OR10J1: variants seen among roughly 807,000 people sequenced by gnomAD.
The protein encoded by OR10J1 is olfactory receptor 10J1.
For missense variants in OR10J1, 474 were observed against 376.6 expected (o/e 1.26, Z -2.14); for synonymous variants, 202 against 143.8 (o/e 1.40, Z -2.89).
At chr1:159,436,070 T>A (rs1655729387), upstream of OR10J1, among the ~76,000 whole-genome samples, 1 of 152,166 alleles carries the variant, frequency 6.6e-6, no homozygotes, top group African/African-American at 2.4e-5. Flanking sequence ...GTGGTATACC[T>A]GTCCTTTTTG....
chr1:159,433,981 T>C (rs1655663918), upstream of OR10J1, among the ~76,000 whole-genome samples: 1 of 152,208 alleles, frequency 6.6e-6, no homozygotes, highest in Non-Finnish European at 1.5e-5. Flanking sequence ...ATTTTCCTTC[T>C]ATTATTTTAA....
At chr1:159,411,480 G>C in the OR10J1 span, among the ~76,000 whole-genome samples, 3 of 152,074 alleles carry the variant, frequency 2.0e-5, no homozygotes, top group African/African-American at 7.2e-5. Flanking sequence ...TTTGATCTTT[G>C]TTGGTTTAAA....
At chr1:159,425,873 C>T in the OR10J1 span, among the ~76,000 whole-genome samples, 1 of 151,822 alleles carries the variant, frequency 6.6e-6, no homozygotes, top group Non-Finnish European at 1.5e-5. Context: ...AGATGCATAA[C>T]ATAAGAAACA....
chr1:159,432,756 A>G, the OR10J1 span: 1 of 401,012 alleles, frequency 2.5e-6, no homozygotes, highest in Non-Finnish European at 4.4e-6. Context: ...TATCCGGCCC[A>G]TAATGAAGCT....
chr1:159,439,974 C>G lies in OR10J1; in HGVS notation c.183C>G (p.Phe61Leu). Residue 61 changes from phenylalanine to leucine, a missense_variant, in exon 1 of 1, where the codon TTC (phenylalanine) becomes TTG (leucine). Phe to Leu is a conservative substitution (Grantham distance 22). Transcript: ENST00000423932. ...TTCATCTTCACACACCCATGTACTTCTTCCTGAGCATGCTGTCCACTTCAG... is the reference window on the plus strand; with the variant it reads ...TTCATCTTCACACACCCATGTACTTGTTCCTGAGCATGCTGTCCACTTCAG... ...MDLHLHTPMY[F>L]FLSMLSTSET... 1 of 1,614,164 alleles carries G rather than the reference C, an allele frequency of 6.2e-7. No homozygotes were observed. The highest frequency in any genetic ancestry group is 1.1e-5 in the South Asian group (1 of 91,090).
the OR10J1 span, among the ~76,000 whole-genome samples, chr1:159,431,704 T>G: frequency 1.4e-4 from 22 of 152,104 alleles, no homozygotes; most frequent in Admixed American, 1.3e-3. Context: ...TATACAACCG[T>G]TTGGTTTTTC....
chr1:159,413,145 C>T, the OR10J1 span, among the ~76,000 whole-genome samples: 7 of 152,114 alleles, frequency 4.6e-5, no homozygotes, highest in Admixed American at 2.0e-4. Flanking sequence ...TGAGATACCA[C>T]CTCACACTTG....
At chr1:159,436,662 G>A (rs1310885067), upstream of OR10J1, among the ~76,000 whole-genome samples, 2 of 147,242 alleles carry the variant, frequency 1.4e-5, no homozygotes, top group Non-Finnish European at 3.0e-5. Context: ...AAAATGGTTA[G>A]CGGTTTTAAA....
the OR10J1 span, among the ~76,000 whole-genome samples, chr1:159,411,798 G>A: frequency 1.3e-5 from 2 of 151,996 alleles, no homozygotes; most frequent in Non-Finnish European, 2.9e-5. Flanking sequence ...TAGCCTCGAT[G>A]GTCTTTACAT....
chr1:159,410,381 T>TA, the OR10J1 span, among the ~76,000 whole-genome samples: 1 of 152,316 alleles, frequency 6.6e-6, no homozygotes, highest in South Asian at 2.1e-4. Context: ...TCAGAGCCTG[T>TA]AATTGGTCTA....
chr1:159,440,711 A>G lies in OR10J1; in HGVS notation c.920A>G (p.Lys307Arg), dbSNP rs750078681. The change falls in exon 1 of 1, where the codon AAG (lysine) becomes AGG (arginine). Residue 307 changes from lysine to arginine, a missense_variant. Lys to Arg is a conservative substitution (Grantham distance 26). Transcript: ENST00000423932. ...GCTCTGTGCAGGGCTGTTGGTGGGAAGTTTTCCTGACCATGTAGGAAGAGT... is the reference window on the plus strand; with the variant it reads ...GCTCTGTGCAGGGCTGTTGGTGGGAGGTTTTCCTGACCATGTAGGAAGAGT... Reference protein sequence around the residue: ...KDALCRAVGGKFS With the variant: ...KDALCRAVGGRFS 6.2e-7 allele frequency: 1 copy of G among 1,609,362 alleles called. No homozygotes were observed. The highest frequency in any genetic ancestry group is 2.2e-5 in the East Asian group (1 of 44,776).
rs1292185817 is a variant in OR10J1, at chr1:159,440,425, C to A, written c.634C>A (p.Leu212Met). 4 of 1,614,110 alleles carry A rather than the reference C, an allele frequency of 2.5e-6. No individual in the cohort carries two copies. The highest frequency in any genetic ancestry group is 3.4e-6 in the Non-Finnish European group (4 of 1,180,016). The change falls in exon 1 of 1, where the codon CTG becomes ATG. Residue 212 changes from leucine (L) to methionine (M), a missense_variant. Physicochemically the swap from Leu to Met is conservative, Grantham distance 15 (BLOSUM62 2). Coordinates refer to ENST00000423932, the MANE Select transcript of OR10J1 (RefSeq NM_012351.3). ...SVLVLVVPMG[L>M]VFISYVLIIS... ...GCTGGTGCTTGTTGTACCTATGGGT[C>A]TGGTTTTCATTTCTTATGTTCTCAT... is the stretch of plus-strand genomic sequence containing the variant.
rs116754841 is a variant in OR10J1, at chr1:159,440,008, T to C, written c.217T>C (p.Tyr73His). 305 of 1,614,194 alleles carry C rather than the reference T, an allele frequency of 1.9e-4. 1 individual carries two copies. The highest frequency in any genetic ancestry group is 1.3e-3 in the South Asian group (121 of 91,088). ...CATGCTGTCCACTTCAGAGACTGTA[T>C]ATACATTGGTCATTCTCCCAAGAAT... ...LSMLSTSETV[Y>H]TLVILPRMLS... is the part of the protein sequence containing the mutation. The change falls in exon 1 of 1, where the codon TAT becomes CAT. Residue 73 changes from tyrosine to histidine, a missense_variant. Physicochemically the swap from Tyr to His is moderately conservative, Grantham distance 83 (BLOSUM62 2). Transcript: ENST00000423932.
the OR10J1 span, among the ~76,000 whole-genome samples, chr1:159,423,170 C>T: frequency 6.6e-6 from 1 of 152,152 alleles, no homozygotes; most frequent in Non-Finnish European, 1.5e-5. Context: ...GAACATATCT[C>T]CCTTATAAAA....
At chr1:159,408,049 G>A in the OR10J1 span, among the ~76,000 whole-genome samples, 3 of 152,050 alleles carry the variant, frequency 2.0e-5, no homozygotes, top group South Asian at 6.2e-4. Context: ...AGGAGGTATT[G>A]TCCAAGATAG....
At chr1:159,428,909 G>T in the OR10J1 span, among the ~76,000 whole-genome samples, 1 of 152,182 alleles carries the variant, frequency 6.6e-6, no homozygotes, top group South Asian at 2.1e-4. Flanking sequence ...TACTTAGAGA[G>T]TCCTTAAGAG....
chr1:159,426,836 C>G, the OR10J1 span, among the ~76,000 whole-genome samples: 8 of 151,822 alleles, frequency 5.3e-5, no homozygotes, highest in Non-Finnish European at 1.0e-4. Flanking sequence ...CTTCAAAGAT[C>G]TATATACATC....
chr1:159,427,635 C>T, the OR10J1 span, among the ~76,000 whole-genome samples: 22 of 151,832 alleles, frequency 1.4e-4, no homozygotes, highest in African/African-American at 4.3e-4. Flanking sequence ...AAACAGGAAA[C>T]GCTAGTAGTG....
At chr1:159,400,418 G>A in the OR10J1 span, among the ~76,000 whole-genome samples, 1 of 151,658 alleles carries the variant, frequency 6.6e-6, no homozygotes, top group East Asian at 1.9e-4. Context: ...AAGAGCAGGA[G>A]TCACTATAGT....
Sources: allele counts gnomAD v4.1 joint callset (sites outside exome capture counted in the v4.1 genomes callset), GRCh38; gene constraint gnomAD v4.1.1; transcripts MANE v1.5; gene names NCBI Gene and HGNC (gene_info 2026-07-23, HGNC 2026-07-21).